The following EHMT1 variants were observed in gnomAD, a reference collection of about 807,000 sequenced individuals.
EHMT1 encodes euchromatic histone lysine methyltransferase 1.
In EHMT1, 15 loss-of-function variants were observed where a neutral mutation model predicts 147.2. The ratio of observed to expected loss-of-function variants is 0.10; its 90% CI spans 0.07 to 0.16. EHMT1 has a LOEUF of 0.16. Among genes scored for constraint, EHMT1 ranks in the 10% least tolerant of loss-of-function variants. The pLI is 1.00. For synonymous variants in EHMT1, 795 were observed against 709.6 expected (o/e 1.12, Z -1.91); for missense variants, 1,587 against 1,772.4 (o/e 0.90, Z 1.88).
chr9:137,821,221 A>G (rs1955390957), intron 25 of EHMT1, among the ~76,000 whole-genome samples: 1 of 145,054 alleles, frequency 6.9e-6, no homozygotes, highest in Non-Finnish European at 1.5e-5. Context: ...GGGTTTCACC[A>G]TCTTGGCCAG....
intron 4 of EHMT1, among the ~76,000 whole-genome samples, chr9:137,742,139 C>G (rs572149184): frequency 6.6e-6 from 1 of 152,160 alleles, no homozygotes; most frequent in Admixed American, 6.5e-5. Flanking sequence ...TCCCAGCGTC[C>G]GTGGTCCCAG....
intron 2 of EHMT1, among the ~76,000 whole-genome samples, chr9:137,712,443 C>T (rs1944827877): frequency 2.0e-5 from 3 of 152,194 alleles, no homozygotes; most frequent in South Asian, 4.1e-4. Flanking sequence ...AGGTTCTCCA[C>T]GTCCTCGCCA....
chr9:137,709,594 G>T (rs1433353595), intron 1 of EHMT1, among the ~76,000 whole-genome samples: 1 of 152,174 alleles, frequency 6.6e-6, no homozygotes, highest in Non-Finnish European at 1.5e-5. Context: ...GTGGGGAGGA[G>T]GGGTTCTGTT....
intron 1 of EHMT1, among the ~76,000 whole-genome samples, chr9:137,700,192 C>T (rs1000613491): frequency 1.3e-5 from 2 of 152,130 alleles, no homozygotes; most frequent in South Asian, 4.1e-4. Flanking sequence ...TTTCTCCTAT[C>T]CCTCTATCCC....
intron 18 of EHMT1, among the ~76,000 whole-genome samples, chr9:137,809,680 G>T (rs1279697321): frequency 2.0e-5 from 3 of 152,244 alleles, no homozygotes; most frequent in African/African-American, 7.2e-5. Context: ...TTTTAATCCA[G>T]CAATCCTGCC....
chr9:137,619,040 C>G lies in EHMT1; in HGVS notation c.12C>G (p.Ala4=), dbSNP rs931986426. The G allele has an allele frequency of 1.3e-5, 13 of 963,342 alleles. No homozygotes were observed. The highest frequency in any genetic ancestry group is 1.4e-5 in the Non-Finnish European group (11 of 811,978). 59.7% of individuals were successfully genotyped at this position (963,342 alleles called of 1,614,324 possible). ...TGCGGGCCCGGGCCATGGCCGCCGC[C>G]GATGCCGAGGTGAGCAGCGGGGCCG... is the stretch of plus-strand genomic sequence containing the variant. MAA[A]DAEAVPARGE... Residue 4 remains alanine (A), a synonymous_variant, in exon 1 of 27, where the codon GCC becomes GCG. Transcript: ENST00000460843.
chr9:137,674,523 G>A (rs17065610), intron 1 of EHMT1, among the ~76,000 whole-genome samples: 2,370 of 152,340 alleles, frequency 0.016, 49 homozygotes, highest in African/African-American at 0.042. Flanking sequence ...GTCTGGTCTA[G>A]AAGAGCAAGT....
chr9:137,770,644 C>G lies in EHMT1; in HGVS notation c.1648-4465C>G, dbSNP rs1393535074. 2.6e-5 allele frequency among the ~76,000 whole-genome samples: 4 copies of G among 152,228 alleles called. No homozygotes were observed. The East Asian group carries it at 7.7e-4, about 29-fold the overall frequency. ...ACAGCCATAATCTTTCACCTGTGCCCTAGGCCATAGGGTTCGCTTCCCTCC... is the reference window on the plus strand; with the variant it reads ...ACAGCCATAATCTTTCACCTGTGCCGTAGGCCATAGGGTTCGCTTCCCTCC... On this transcript the variant is annotated intron_variant, in intron 10 of 26. Coordinates refer to ENST00000460843, the MANE Select transcript of EHMT1 (RefSeq NM_024757.5).
At chr9:137,700,534 T>A (rs960382151) in intron 1 of EHMT1, among the ~76,000 whole-genome samples, 1 of 152,178 alleles carries the variant, frequency 6.6e-6, no homozygotes, top group African/African-American at 2.4e-5. Context: ...CTCAAGCACG[T>A]CAAATGTGTG....
chr9:137,805,237 A>C (rs1299836720), intron 18 of EHMT1, among the ~76,000 whole-genome samples: 5 of 151,806 alleles, frequency 3.3e-5, no homozygotes, highest in African/African-American at 4.8e-5. Context: ...GTGTCAGTCC[A>C]CATGTGTGTC....
chr9:137,743,311 C>T lies in EHMT1; in HGVS notation c.824-60C>T, dbSNP rs1337685129. 5.9e-6 allele frequency: 9 copies of T among 1,522,220 alleles called. No individual in the cohort carries two copies. In the East Asian group the frequency reaches 1.5e-4, roughly 25 times the overall value. 94.3% of individuals were successfully genotyped at this position (1,522,220 alleles called of 1,614,324 possible). On this transcript the variant is annotated intron_variant, in intron 4 of 26. Coordinates refer to ENST00000460843, the MANE Select transcript of EHMT1 (RefSeq NM_024757.5). ...TAAACTGTCTCTTACCTTTGAAAAACATTTGAATGGTGTTTCTTTTCCTTT... is the reference window on the plus strand; with the variant it reads ...TAAACTGTCTCTTACCTTTGAAAAATATTTGAATGGTGTTTCTTTTCCTTT...
At chr9:137,704,615 T>G (rs1944097198) in intron 1 of EHMT1, among the ~76,000 whole-genome samples, 1 of 152,166 alleles carries the variant, frequency 6.6e-6, no homozygotes. Context: ...TGCAAGAATC[T>G]TCATTATTGC....
At chr9:137,625,272 T>G (rs1287544999) in intron 1 of EHMT1, among the ~76,000 whole-genome samples, 1 of 152,246 alleles carries the variant, frequency 6.6e-6, no homozygotes, top group Non-Finnish European at 1.5e-5. Flanking sequence ...ATATTTATCA[T>G]GCGTTTAGTG....
intron 1 of EHMT1, among the ~76,000 whole-genome samples, chr9:137,669,595 G>T (rs943914848): frequency 2.2e-5 from 3 of 133,742 alleles, no homozygotes; most frequent in Non-Finnish European, 4.9e-5. Context: ...TACCCAGGGC[G>T]CAGCCGCTCC....
At chr9:137,743,593 CGTT>C in intron 5 of EHMT1, 65 bp downstream of exon 5, 1 of 1,609,566 alleles carries the variant, frequency 6.2e-7, no homozygotes, top group Non-Finnish European at 8.5e-7. Context: ...TTCAGGGCCT[CGTT>C]ATCAGTAATT....
At chr9:137,834,555 C>T in intron 26 of EHMT1, 31 bp downstream of exon 26, 1 of 1,607,810 alleles carries the variant, frequency 6.2e-7, no homozygotes, top group Non-Finnish European at 8.5e-7. Flanking sequence ...TGGCCATCTC[C>T]GCTGCCGGCG....
Position 137,796,868 on chromosome 9 carries a change from G to A in EHMT1, c.2506-1945G>A, listed in dbSNP as rs537891334. The stretch of plus-strand genomic sequence containing the variant: ...CTGAATTCCATACAACGTAACAGGT[G>A]GAAAAGACTGACGGGGCGGGACATA... On this transcript the variant is annotated intron_variant, in intron 16 of 26. Coordinates refer to ENST00000460843, the MANE Select transcript of EHMT1 (RefSeq NM_024757.5). 6.1e-4 allele frequency among the ~76,000 whole-genome samples: 84 copies of A among 138,696 alleles called. 1 individual carries two copies. Among genetic ancestry groups the A allele is most frequent in the Admixed American group, 3.7e-3 (48 of 12,880 alleles). The allele number at this position is 138,696 out of a possible 152,430, so 91.0% of individuals were successfully genotyped here.
chr9:137,777,342 A>AT (rs1342722086), intron 12 of EHMT1: 2 of 195,050 alleles, frequency 1.0e-5, no homozygotes, highest in Non-Finnish European at 2.1e-5. Flanking sequence ...AGAGGATCTG[A>AT]TAAGAAGAGA....
At chr9:137,733,324 G>A (rs1158261389) in intron 4 of EHMT1, among the ~76,000 whole-genome samples, 2 of 152,190 alleles carry the variant, frequency 1.3e-5, no homozygotes, top group East Asian at 1.9e-4. Context: ...TTTCCCACGT[G>A]TAGCGGTTCA....
Sources: allele counts gnomAD v4.1 joint callset (sites outside exome capture counted in the v4.1 genomes callset), GRCh38; gene constraint gnomAD v4.1.1; transcripts MANE v1.5; gene names NCBI Gene and HGNC (gene_info 2026-07-23, HGNC 2026-07-21).